Variants in TM2D1 observed in about 807,000 individuals in gnomAD.
TM2D1 encodes TM2 domain-containing protein 1.
TM2D1 carries 15 observed loss-of-function variants against 28.4 expected under a neutral mutation model. The ratio of observed to expected loss-of-function variants is 0.53; its 90% CI spans 0.35 to 0.81. The LOEUF (loss-of-function observed/expected upper bound fraction) is 0.81. TM2D1 is among the 40% of genes least tolerant of loss of function. The probability of loss-of-function intolerance (pLI) is 0.01; values close to 1 mark genes in which losing one functional copy is unlikely to be tolerated. For missense variants in TM2D1, 236 were observed against 254.9 expected (o/e 0.93, Z 0.50); for synonymous variants, 93 against 96.2 (o/e 0.97, Z 0.20).
chr1:61,709,622 G>A (rs1206316485), intron 2 of TM2D1, among the ~76,000 whole-genome samples, 185 bp from the exon 3 acceptor site: 1 of 152,122 alleles, frequency 6.6e-6, no homozygotes, highest in Non-Finnish European at 1.5e-5. Context: ...ACATAAAATT[G>A]TATAGTAGTC....
intron 4 of TM2D1, chr1:61,696,209 G>T (rs1644361463): frequency 6.6e-6 from 1 of 152,162 alleles, no homozygotes; most frequent in South Asian, 2.1e-4. Context: ...ATAAACTTGA[G>T]AATGTCATAG....
At chr1:61,709,605 A>G (rs1193569038) in intron 2 of TM2D1, among the ~76,000 whole-genome samples, 168 bp from the exon 3 acceptor site, 1 of 152,202 alleles carries the variant, frequency 6.6e-6, no homozygotes, top group Admixed American at 6.6e-5. Flanking sequence ...ACTTACATGC[A>G]AGATAAACAT....
intron 5 of TM2D1, among the ~76,000 whole-genome samples, chr1:61,684,209 C>A (rs895722690): frequency 1.3e-5 from 2 of 152,088 alleles, no homozygotes; most frequent in Admixed American, 1.3e-4. Flanking sequence ...TATAAATTAC[C>A]CTCTAAGGTA....
At chr1:61,695,552 T>C (rs535516689) in intron 4 of TM2D1, among the ~76,000 whole-genome samples, 2 of 152,244 alleles carry the variant, frequency 1.3e-5, no homozygotes, top group African/African-American at 4.8e-5. Flanking sequence ...ATATGAGATA[T>C]AAAAATGGTA....
intron 5 of TM2D1, among the ~76,000 whole-genome samples, chr1:61,691,932 A>AATATATATATATATATATAT (rs1163953838): frequency 7.9e-5 from 6 of 76,350 alleles, no homozygotes; most frequent in Non-Finnish European, 1.5e-4. Context: ...AAAAAAAAAA[A>AATATATATATATATATATAT]ATATATATAT....
chr1:61,716,383 T>A (rs4915773), intron 2 of TM2D1, among the ~76,000 whole-genome samples: 49,801 of 145,182 alleles, frequency 0.34, 10,245 homozygotes, highest in East Asian at 0.48. Context: ...TTATATAATT[T>A]TATATATAAT....
At chr1:61,700,896 G>C (rs1156239539) in intron 4 of TM2D1, 38 bp downstream of exon 4, 1 of 1,463,266 alleles carries the variant, frequency 6.8e-7, no homozygotes, top group South Asian at 1.2e-5. Flanking sequence ...CTAAAATATA[G>C]GTTTCATAAG....
intron 6 of TM2D1, 60 bp downstream of exon 6, chr1:61,683,357 A>G (rs1230348208): frequency 3.6e-6 from 2 of 557,456 alleles, no homozygotes; most frequent in African/African-American, 3.9e-5. Flanking sequence ...TAAAATTCTC[A>G]TAATTTTATA....
At chr1:61,719,108 C>A (rs954110567) in intron 2 of TM2D1, among the ~76,000 whole-genome samples, 3 of 152,014 alleles carry the variant, frequency 2.0e-5, no homozygotes, top group African/African-American at 7.2e-5. Context: ...CTTGCTCTGT[C>A]GCCCAGGCTA....
intron 6 of TM2D1, among the ~76,000 whole-genome samples, chr1:61,682,213 C>A (rs1180314297): frequency 6.6e-6 from 1 of 152,162 alleles, no homozygotes; most frequent in Admixed American, 6.5e-5. Flanking sequence ...CCTCTAGAAG[C>A]AGTCCTTTGA....
At chr1:61,718,836 GC>G (rs1208620276) in intron 2 of TM2D1, among the ~76,000 whole-genome samples, 2 of 152,098 alleles carry the variant, frequency 1.3e-5, no homozygotes, top group South Asian at 2.1e-4. Context: ...GTAAGTCAAT[GC>G]CATAAAAGAC....
chr1:61,702,607 A>C (rs1158952890), intron 3 of TM2D1, among the ~76,000 whole-genome samples: 1 of 150,602 alleles, frequency 6.6e-6, no homozygotes, highest in Non-Finnish European at 1.5e-5. Context: ...GCCTCAAGTG[A>C]CCCACCCGCC....
At chr1:61,718,586 C>T (rs1351133171) in intron 2 of TM2D1, among the ~76,000 whole-genome samples, 1 of 151,682 alleles carries the variant, frequency 6.6e-6, no homozygotes, top group East Asian at 1.9e-4. Flanking sequence ...TTTATAGTTG[C>T]AAAGAAAAAA....
chr1:61,721,640 T>C (rs1644565813), intron 2 of TM2D1, among the ~76,000 whole-genome samples: 1 of 150,198 alleles, frequency 6.7e-6, no homozygotes, highest in Non-Finnish European at 1.5e-5. Context: ...AAAGGAAAAA[T>C]AATTTTGGCT....
intron 2 of TM2D1, among the ~76,000 whole-genome samples, 158 bp downstream of exon 2, chr1:61,723,555 T>G (rs1644582958): frequency 6.6e-6 from 1 of 152,150 alleles, no homozygotes; most frequent in African/African-American, 2.4e-5. Context: ...ACTGACAACC[T>G]CTAGGTAGTT....
chr1:61,681,539 A>G (rs1644243549), intron 6 of TM2D1, among the ~76,000 whole-genome samples, 189 bp from the exon 7 acceptor site: 1 of 152,220 alleles, frequency 6.6e-6, no homozygotes, highest in Non-Finnish European at 1.5e-5. Flanking sequence ...TGGGCCTTTC[A>G]GGTTTTAAGT....
intron 3 of TM2D1, among the ~76,000 whole-genome samples, chr1:61,702,877 G>A (rs896295491): frequency 9.3e-5 from 14 of 151,296 alleles, no homozygotes; most frequent in African/African-American, 2.9e-4. Flanking sequence ...AGGCTGAGGC[G>A]GTTGGATCAC....
At chr1:61,721,328 G>C (rs1336574903) in intron 2 of TM2D1, among the ~76,000 whole-genome samples, 1 of 151,998 alleles carries the variant, frequency 6.6e-6, no homozygotes, top group Non-Finnish European at 1.5e-5. Context: ...GATCACCTGA[G>C]GTCAGGACTT....
At position 61,683,419 on chromosome 1, in the gene TM2D1, T is replaced by C; in HGVS notation, c.*17A>G. On this transcript the variant is annotated splice_region_variant and 3_prime_UTR_variant, in exon 6 of 7. Coordinates refer to ENST00000606498, the MANE Select transcript of TM2D1 (RefSeq NM_032027.3). ...ACATATATATATATATCACTTACTG[T>C]TTCTTTTAAAAAATATTTATGGATA... 9.3e-7 allele frequency: 1 copy of C among 1,075,854 alleles called. No homozygotes were observed. The allele number at this position is 1,075,854 out of a possible 1,614,324, so 66.6% of individuals were successfully genotyped here.
Sources: allele counts gnomAD v4.1 joint callset (sites outside exome capture counted in the v4.1 genomes callset), GRCh38; gene constraint gnomAD v4.1.1; transcripts MANE v1.5; gene names NCBI Gene and HGNC (gene_info 2026-07-23, HGNC 2026-07-21).